TRIM32: variants seen among roughly 807,000 people sequenced by gnomAD.
TRIM32 encodes the protein tripartite motif containing 32.
TRIM32 carries 19 observed loss-of-function variants against 36.0 expected under a neutral mutation model. That is an observed-to-expected ratio of 0.53 (90% CI 0.37 to 0.77). TRIM32 has a LOEUF of 0.77. TRIM32 is among the 30% of genes least tolerant of loss of function. The pLI is 0.00. For synonymous variants in TRIM32, 309 were observed against 318.5 expected, an observed-to-expected ratio of 0.97 and a Z score of 0.32; for missense variants, 747 against 845.2, an observed-to-expected ratio of 0.88 and a Z score of 1.44.
chr9:116,692,852 A>G (rs909318105), intron 1 of TRIM32, among the ~76,000 whole-genome samples: 4 of 152,244 alleles, frequency 2.6e-5, no homozygotes, highest in African/African-American at 7.2e-5. Context: ...CCTGGTCTCA[A>G]GTAAGGAGAT....
Position 116,698,438 on chromosome 9 carries a change from G to GGTGCAGGCTGTGTCTCGCTGTGACT in TRIM32, c.697_721dup (p.Tyr241CysfsTer8), listed in dbSNP as rs1860995068. 1 of 1,613,966 alleles carries GGTGCAGGCTGTGTCTCGCTGTGACT rather than the reference G, an allele frequency of 6.2e-7. No individual in the cohort carries two copies. The highest frequency in any genetic ancestry group is 1.3e-5 in the African/African-American group (1 of 74,906). On this transcript the variant is annotated frameshift_variant, in exon 2 of 2. Transcript: ENST00000450136. LOFTEE classifies it high-confidence loss of function. The surrounding 1 kb of genome is among the most constrained non-coding windows in gnomAD (Gnocchi z 4.4). ...AGAGTTACCTGCTTAACATTGCAGA[G>GGTGCAGGCTGTGTCTCGCTGTGACT]GTGCAGGCTGTGTCTCGCTGTGACT...
intron 1 of TRIM32, among the ~76,000 whole-genome samples, chr9:116,696,089 C>A (rs1273836896): frequency 6.6e-6 from 1 of 152,168 alleles, no homozygotes; most frequent in Non-Finnish European, 1.5e-5. Flanking sequence ...TTTCCCCACT[C>A]CATTCCTGCT....
At chr9:116,691,810 T>G (rs548061497) in intron 1 of TRIM32, among the ~76,000 whole-genome samples, 1 of 152,320 alleles carries the variant, frequency 6.6e-6, no homozygotes, top group South Asian at 2.1e-4. Flanking sequence ...AGTGATAGTT[T>G]TGCACTTGAT....
At chr9:116,687,660 T>G (rs1588200177) in intron 1 of TRIM32, among the ~76,000 whole-genome samples, 1 of 146,440 alleles carries the variant, frequency 6.8e-6, no homozygotes, top group Non-Finnish European at 1.5e-5. Context: ...TCTCGGGAGG[T>G]ATGAGGTAAT....
chr9:116,699,663 A>C lies in TRIM32; in HGVS notation c.1921A>C (p.Lys641Gln). The change falls in exon 2 of 2, where the codon AAG becomes CAG. Residue 641 changes from lysine (K) to glutamine (Q), a missense_variant. Coordinates refer to ENST00000450136, the MANE Select transcript of TRIM32 (RefSeq NM_012210.4). This position sits in a 1 kb window ranked among gnomAD's most constrained non-coding sequence, Gnocchi z 4.2. Reference protein sequence around the residue: ...LVLDCWDHCIKIYSYHLRRYS... With the variant: ...LVLDCWDHCIQIYSYHLRRYS... ...CTTGGACTGTTGGGATCATTGCATCAAGATCTACAGCTACCATCTGAGAAG... is the reference window on the plus strand; with the variant it reads ...CTTGGACTGTTGGGATCATTGCATCCAGATCTACAGCTACCATCTGAGAAG... The C allele has an allele frequency of 6.2e-7, 1 of 1,614,112 alleles. No individual in the cohort carries two copies. Among genetic ancestry groups the C allele is most frequent in the Non-Finnish European group, 8.5e-7 (1 of 1,180,004 alleles).
Position 116,699,191 on chromosome 9 carries a change from T to G in TRIM32, c.1449T>G (p.Phe483Leu), listed in dbSNP as rs2132074954. 4 of 1,614,254 alleles carry G rather than the reference T, an allele frequency of 2.5e-6. No individual in the cohort carries two copies. The highest frequency in any genetic ancestry group is 3.4e-6 in the Non-Finnish European group (4 of 1,180,050). Residue 483 changes from phenylalanine (F) to leucine (L), a missense_variant, in exon 2 of 2, where the codon TTT (phenylalanine) becomes TTG (leucine). Coordinates refer to ENST00000450136, the MANE Select transcript of TRIM32 (RefSeq NM_012210.4). This position sits in a 1 kb window ranked among gnomAD's most constrained non-coding sequence, Gnocchi z 4.2. The part of the protein sequence containing the change: ...WGITALPSGQ[F>L]VVTDVEGGKL... ...TCACAGCCTTGCCATCTGGCCAGTT[T>G]GTAGTAACCGATGTGGAAGGTGGAA...
At chr9:116,694,527 C>T (rs1008887940) in intron 1 of TRIM32, among the ~76,000 whole-genome samples, 3 of 137,728 alleles carry the variant, frequency 2.2e-5, no homozygotes, top group Non-Finnish European at 4.5e-5. Flanking sequence ...AGTGGCGCGT[C>T]TCGGCTCACT....
intron 1 of TRIM32, among the ~76,000 whole-genome samples, chr9:116,687,700 G>C (rs1860339632): frequency 6.6e-6 from 1 of 151,942 alleles, no homozygotes; most frequent in Non-Finnish European, 1.5e-5. Context: ...ACGGGGTGTA[G>C]CATGTGGGAG....
chr9:116,699,645 T>C lies in TRIM32; in HGVS notation c.1903T>C (p.Cys635Arg). 1 of 1,614,196 alleles carries C rather than the reference T, an allele frequency of 6.2e-7. No individual in the cohort carries two copies. Among genetic ancestry groups the C allele is most frequent in the Middle Eastern group, 1.6e-4 (1 of 6,062 alleles). The change falls in exon 2 of 2, where the codon TGT becomes CGT. Residue 635 changes from cysteine to arginine, a missense_variant. By Grantham distance (180) the Cys-to-Arg change is radical (BLOSUM62 -3). Coordinates refer to ENST00000450136, the MANE Select transcript of TRIM32 (RefSeq NM_012210.4). This position sits in a 1 kb window ranked among gnomAD's most constrained non-coding sequence, Gnocchi z 4.2. ...TPKGQLLVLDCWDHCIKIYSY... is the reference protein window; with the variant it reads ...TPKGQLLVLDRWDHCIKIYSY... ...TAAGGGGCAGCTGCTGGTCTTGGAC[T>C]GTTGGGATCATTGCATCAAGATCTA...
chr9:116,688,652 A>T (rs1420293201), intron 1 of TRIM32, among the ~76,000 whole-genome samples: 1 of 152,148 alleles, frequency 6.6e-6, no homozygotes, highest in East Asian at 1.9e-4. Flanking sequence ...CGGCCCACTG[A>T]AAGTGGTAGG....
intron 1 of TRIM32, among the ~76,000 whole-genome samples, chr9:116,688,219 G>A (rs1860371588): frequency 6.6e-6 from 1 of 152,024 alleles, no homozygotes; most frequent in Non-Finnish European, 1.5e-5. Flanking sequence ...GACGAGGGTT[G>A]CAATATACAG....
chr9:116,687,750 A>C (rs1860343245), intron 1 of TRIM32, among the ~76,000 whole-genome samples: 1 of 151,912 alleles, frequency 6.6e-6, no homozygotes, highest in Non-Finnish European at 1.5e-5. Context: ...CTGGGTGCAG[A>C]ATTTCAGAAA....
At position 116,692,868 on chromosome 9, in the gene TRIM32, C is replaced by T. The variant is rs562106957; in HGVS notation, c.-81-4794C>T. Among the ~76,000 whole-genome samples, 18 of 152,202 alleles carry T rather than the reference C, an allele frequency of 1.2e-4. No individual in the cohort carries two copies. In the South Asian group the frequency reaches 2.5e-3, roughly 21 times the overall value. On this transcript the variant is annotated intron_variant, in intron 1 of 1. Transcript: ENST00000450136. Reference sequence around the variant, plus strand: ...CTGGTCTCAAGTAAGGAGATTGCTACGAATTCTAGCATTTCATACTTAGTC... The same window carrying T: ...CTGGTCTCAAGTAAGGAGATTGCTATGAATTCTAGCATTTCATACTTAGTC...
At chr9:116,695,036 T>C (rs1860774317) in intron 1 of TRIM32, among the ~76,000 whole-genome samples, 1 of 152,182 alleles carries the variant, frequency 6.6e-6, no homozygotes, top group Non-Finnish European at 1.5e-5. Flanking sequence ...TTCTGTGTTA[T>C]GGAGAAAATG....
chr9:116,693,867 C>T (rs1277392058), intron 1 of TRIM32, among the ~76,000 whole-genome samples: 1 of 152,150 alleles, frequency 6.6e-6, no homozygotes, highest in African/African-American at 2.4e-5. Context: ...ACAGTAATGA[C>T]CAGATGTGCC....
chr9:116,697,618 A>G (rs1860931339), intron 1 of TRIM32, 44 bp from the exon 2 acceptor site: 7 of 1,227,206 alleles, frequency 5.7e-6, no homozygotes, highest in Non-Finnish European at 8.0e-6. Flanking sequence ...GAATTTATTT[A>G]TATAGTCAGA....
Position 116,698,512 on chromosome 9 carries a change from C to T in TRIM32, c.770C>T (p.Thr257Ile), listed in dbSNP as rs3747834. The T allele has an allele frequency of 1.2e-6, 2 of 1,613,806 alleles. No individual in the cohort carries two copies. The highest frequency in any genetic ancestry group is 2.2e-5 in the East Asian group (1 of 44,872). The change falls in exon 2 of 2, where the codon ACA becomes ATA. Residue 257 changes from threonine (T) to isoleucine (I), a missense_variant. Coordinates refer to ENST00000450136, the MANE Select transcript of TRIM32 (RefSeq NM_012210.4). This position sits in a 1 kb window ranked among gnomAD's most constrained non-coding sequence, Gnocchi z 4.4. ...GCAGATGTAGCACTACTGGAGGAGA[C>T]AGCTGATGAGGAGGAGCCAGAGCTC... ...KQADVALLEE[T>I]ADEEEPELTA...
chr9:116,699,918 C>T lies in TRIM32; in HGVS notation c.*214C>T. ...ATTTAGAGCTTTAAAAGATGCACTGCCCAAATAGGACACACGATGGTGTTA... is the reference window on the plus strand; with the variant it reads ...ATTTAGAGCTTTAAAAGATGCACTGTCCAAATAGGACACACGATGGTGTTA... On this transcript the variant is annotated 3_prime_UTR_variant, in exon 2 of 2. Transcript: ENST00000450136. This position sits in a 1 kb window ranked among gnomAD's most constrained non-coding sequence, Gnocchi z 4.2. 1.5e-6 allele frequency: 1 copy of T among 672,486 alleles called. No individual in the cohort carries two copies. Among genetic ancestry groups the T allele is most frequent in the Non-Finnish European group, 2.6e-6 (1 of 390,354 alleles). The allele number at this position is 672,486 out of a possible 1,614,324, so 41.7% of individuals were successfully genotyped here.
intron 1 of TRIM32, among the ~76,000 whole-genome samples, chr9:116,688,453 G>C (rs1035540714): frequency 6.6e-6 from 1 of 152,136 alleles, no homozygotes; most frequent in African/African-American, 2.4e-5. Context: ...TATGAAACTG[G>C]ATGAGTATAT....
Sources: gnomAD v4.1 joint callset for allele counts (sites outside exome capture counted in the v4.1 genomes callset) on GRCh38, gnomAD v4.1.1 for gene constraint, Gnocchi (gnomAD v3.1) non-coding constraint, MANE v1.5 for transcripts, NCBI Gene and HGNC (gene_info 2026-07-23, HGNC 2026-07-21) for gene names.